The following SHQ1 variants were observed in gnomAD, a reference collection of about 807,000 sequenced individuals.
SHQ1 encodes the protein protein SHQ1 homolog.
Under a neutral mutation model 53.8 loss-of-function variants are expected in SHQ1, and 49 were observed. The observed-to-expected ratio is 0.91, with a 90% CI of 0.72 to 1.16. The LOEUF is 1.16. Ranked by LOEUF, SHQ1 falls within the 50% of genes most tolerant of loss-of-function variation. The pLI is 0.00. For missense variants in SHQ1, 738 were observed against 683.1 expected (o/e 1.08, Z -0.90); for synonymous variants, 243 against 251.0 (o/e 0.97, Z 0.30).
At chr3:72,801,479 TAG>T (rs1559678804) in intron 9 of SHQ1, among the ~76,000 whole-genome samples, 2 of 151,966 alleles carry the variant, frequency 1.3e-5, no homozygotes, top group Non-Finnish European at 2.9e-5. Context: ...AAAGAAGAAA[TAG>T]GAGTATATAG....
chr3:72,799,428 G>C (rs1346099458), intron 9 of SHQ1, among the ~76,000 whole-genome samples: 1 of 152,156 alleles, frequency 6.6e-6, no homozygotes, highest in Non-Finnish European at 1.5e-5. Flanking sequence ...CATAAAAAGA[G>C]AGAAGGAAGA....
chr3:72,735,750 A>AAGGAAGGCAGGCAGGCAGGC, the SHQ1 span, among the ~76,000 whole-genome samples: 5 of 122,542 alleles, frequency 4.1e-5, no homozygotes, highest in African/African-American at 1.3e-4. Context: ...GGAAGGAAGG[A>AAGGAAGGCAGGCAGGCAGGC]AGGCAGGCAG....
chr3:72,768,911 C>T (rs77010985), intron 10 of SHQ1, among the ~76,000 whole-genome samples: 2,094 of 152,310 alleles, frequency 0.014, 40 homozygotes, highest in African/African-American at 0.046. Flanking sequence ...ACGGTCACTG[C>T]TGCCATCCAG....
In SHQ1 at chr3:72,750,195, A is replaced by G. The variant is rs1399104623; in HGVS notation, c.*89T>C. The G allele has an allele frequency of 3.3e-6, 4 of 1,195,088 alleles. No homozygotes were observed. The highest frequency in any genetic ancestry group is 4.7e-6 in the Non-Finnish European group (4 of 845,256). 74.0% of individuals were successfully genotyped at this position (1,195,088 alleles called of 1,614,324 possible). A position where few individuals can be genotyped will look rare whatever the true frequency, so the allele number is the denominator to read the frequency against. The stretch of plus-strand genomic sequence containing the variant: ...CAGTGGGCTGACTATATACTAAGAA[A>G]AATTACAAAGTGAAAATGAAGAATT... On this transcript the variant is annotated 3_prime_UTR_variant, in exon 11 of 11. Transcript: ENST00000325599.
At chr3:72,837,503 G>C (rs1708036620) in intron 4 of SHQ1, among the ~76,000 whole-genome samples, 1 of 151,784 alleles carries the variant, frequency 6.6e-6, no homozygotes, top group Non-Finnish European at 1.5e-5. Context: ...TTTATTATTA[G>C]AAACAAAAAA....
chr3:72,758,541 C>T (rs1366157441), intron 10 of SHQ1, among the ~76,000 whole-genome samples: 2 of 150,546 alleles, frequency 1.3e-5, no homozygotes, highest in Non-Finnish European at 3.0e-5. Context: ...ATTTATTTTT[C>T]ACAGCTCCTG....
At chr3:72,736,526 C>G in the SHQ1 span, among the ~76,000 whole-genome samples, 4 of 151,550 alleles carry the variant, frequency 2.6e-5, no homozygotes, top group Non-Finnish European at 5.9e-5. Context: ...CACGGTGGCA[C>G]ATGCCTGTAA....
In SHQ1 at chr3:72,842,422, T is replaced by C; in HGVS notation, c.209-20A>G. ...AAATTCCTTAAAGATAAATTTGTTT[T>C]ATGCTTAGATTAAAATATTTAAAAA... On this transcript the variant is annotated intron_variant, in intron 2 of 10. Transcript: ENST00000325599. 3.1e-6 allele frequency: 5 copies of C among 1,609,240 alleles called. No individual in the cohort carries two copies. Among genetic ancestry groups the C allele is most frequent in the Non-Finnish European group, 3.4e-6 (4 of 1,176,798 alleles).
intron 10 of SHQ1, among the ~76,000 whole-genome samples, chr3:72,767,194 T>C (rs1705749376): frequency 6.6e-6 from 1 of 152,194 alleles, no homozygotes; most frequent in Admixed American, 6.5e-5. Context: ...TCTGATCCTT[T>C]CATCAGAAAC....
intron 9 of SHQ1, among the ~76,000 whole-genome samples, chr3:72,799,902 C>CT (rs891156684): frequency 6.6e-6 from 1 of 152,114 alleles, no homozygotes; most frequent in Non-Finnish European, 1.5e-5. Flanking sequence ...TCAGGCATTA[C>CT]TTTTTCTGGA....
At chr3:72,802,764 G>A (rs1289291794) in intron 9 of SHQ1, among the ~76,000 whole-genome samples, 3 of 152,074 alleles carry the variant, frequency 2.0e-5, no homozygotes, top group Non-Finnish European at 4.4e-5. Context: ...CTACTAACAA[G>A]CACTCTATCA....
chr3:72,745,599 A>C (rs1705245518), downstream of SHQ1, among the ~76,000 whole-genome samples: 1 of 152,130 alleles, frequency 6.6e-6, no homozygotes, highest in Admixed American at 6.5e-5. Context: ...AACAGGGCTG[A>C]CTCATTTTCA....
chr3:72,797,757 G>C lies in SHQ1; in HGVS notation c.1061-4721C>G, dbSNP rs538325291. 2.6e-5 allele frequency among the ~76,000 whole-genome samples: 4 copies of C among 152,304 alleles called. No individual in the cohort carries two copies. The South Asian group carries it at 6.2e-4, about 24-fold the overall frequency. ...TGCAGTTGACAATCTAGAATAAAAA[G>C]TACATGAAAACTATTCTCCTCCCAA... On this transcript the variant is annotated intron_variant, in intron 9 of 10. Transcript: ENST00000325599.
chr3:72,808,275 C>T (rs1409359277), intron 9 of SHQ1, among the ~76,000 whole-genome samples: 1 of 152,158 alleles, frequency 6.6e-6, no homozygotes, highest in Non-Finnish European at 1.5e-5. Flanking sequence ...ATACTCATCA[C>T]CCAGGCAGCA....
At chr3:72,735,822 A>G in the SHQ1 span, among the ~76,000 whole-genome samples, 1 of 148,844 alleles carries the variant, frequency 6.7e-6, no homozygotes, top group African/African-American at 2.5e-5. Context: ...GCATGACTGA[A>G]GGTCCAGGGT....
intron 7 of SHQ1, among the ~76,000 whole-genome samples, chr3:72,816,478 C>T (rs1395419462): frequency 6.6e-6 from 1 of 152,150 alleles, no homozygotes; most frequent in East Asian, 1.9e-4. Context: ...CAATTATAAA[C>T]AGCTGCAGGG....
Position 72,749,421 on chromosome 3 carries a change from C to T in SHQ1, c.*863G>A, listed in dbSNP as rs1048686160. ...AACATAAAAACAAAAACTCGTGACA[C>T]ATGCTACCACATGGATGAATCTCAA... On this transcript the variant is annotated 3_prime_UTR_variant, in exon 11 of 11. Coordinates refer to ENST00000325599, the MANE Select transcript of SHQ1 (RefSeq NM_018130.3). 9 of 221,892 alleles carry T rather than the reference C, an allele frequency of 4.1e-5. No homozygotes were observed. Among genetic ancestry groups the T allele is most frequent in the Admixed American group, 3.4e-4 (6 of 17,400 alleles). The allele number at this position is 221,892 out of a possible 1,614,324, so 13.7% of individuals were successfully genotyped here. A position where few individuals can be genotyped will look rare whatever the true frequency, so the allele number is the denominator to read the frequency against.
intron 3 of SHQ1, 107 bp downstream of exon 3, chr3:72,842,173 G>T (rs1418075096): frequency 7.9e-7 from 1 of 1,258,958 alleles, no homozygotes; most frequent in Non-Finnish European, 1.1e-6. Flanking sequence ...TATACCTGAA[G>T]TATTTTCTTC....
chr3:72,745,994 C>G (rs1705252867), downstream of SHQ1, among the ~76,000 whole-genome samples: 1 of 152,090 alleles, frequency 6.6e-6, no homozygotes, highest in Non-Finnish European at 1.5e-5. Flanking sequence ...GGGCCCGCCA[C>G]CACCCCCAGG....
Sources: allele counts gnomAD v4.1 joint callset (sites outside exome capture counted in the v4.1 genomes callset), GRCh38; gene constraint gnomAD v4.1.1; transcripts MANE v1.5; gene names NCBI Gene and HGNC (gene_info 2026-07-23, HGNC 2026-07-21).